The following TYW1B variants were observed in gnomAD, a reference collection of about 807,000 sequenced individuals.
TYW1B encodes the protein S-adenosyl-L-methionine-dependent tRNA 4-demethylwyosine synthase TYW1B.
In TYW1B, 73 loss-of-function variants were observed where a neutral mutation model predicts 86.9. The ratio of observed to expected loss-of-function variants is 0.84; its 90% CI spans 0.70 to 1.02. The LOEUF is 1.02. Among genes scored for constraint, TYW1B ranks in the 50% least tolerant of loss-of-function variants. TYW1B has a pLI of 0.00. For synonymous variants in TYW1B, 248 were observed against 292.8 expected (o/e 0.85, Z 1.56); for missense variants, 637 against 827.4 (o/e 0.77, Z 2.82).
chr7:72,628,758 C>T (rs1337539481), intron 12 of TYW1B, 129 bp downstream of exon 12: 6 of 681,312 alleles, frequency 8.8e-6, no homozygotes, highest in South Asian at 3.9e-5. Flanking sequence ...ATATCGATCA[C>T]GAAATGAATA....
Position 72,575,061 on chromosome 7 carries a change from C to T in TYW1B, c.*437G>A, listed in dbSNP as rs1294397181. On this transcript the variant is annotated 3_prime_UTR_variant, in exon 14 of 14. Transcript: ENST00000620995. The stretch of plus-strand genomic sequence containing the variant: ...GCTCTTATCTTAGAAAGCACAGACA[C>T]GTTTAGCTCAGGGTAGTGCAATTCA... 1.7e-5 allele frequency: 17 copies of T among 1,001,006 alleles called. No homozygotes were observed. Among genetic ancestry groups the T allele is most frequent in the Non-Finnish European group, 1.9e-5 (16 of 838,884 alleles). 62.0% of individuals were successfully genotyped at this position (1,001,006 alleles called of 1,614,324 possible). A position where few individuals can be genotyped will look rare whatever the true frequency, so the allele number is the denominator to read the frequency against.
At chr7:72,730,688 G>A (rs1325418635) in intron 8 of TYW1B, among the ~76,000 whole-genome samples, 1 of 151,252 alleles carries the variant, frequency 6.6e-6, no homozygotes, top group East Asian at 1.9e-4. Context: ...GAGAGAGGAG[G>A]AGGAAGAGCA....
chr7:72,815,450 G>T lies in TYW1B; in HGVS notation c.167C>A (p.Thr56Lys), dbSNP rs556042271. 3 of 1,609,156 alleles carry T rather than the reference G, an allele frequency of 1.9e-6. No homozygotes were observed. Among genetic ancestry groups the T allele is most frequent in the Non-Finnish European group, 2.5e-6 (3 of 1,178,950 alleles). The change falls in exon 3 of 14, where the codon ACG becomes AAG. Residue 56 changes from threonine (T) to lysine (K), a missense_variant. By Grantham distance (78) the Thr-to-Lys change is moderately conservative (BLOSUM62 -1). Transcript: ENST00000620995. ...GFATVLAEAVTSLDLPVAIIN... is the reference protein window; with the variant it reads ...GFATVLAEAVKSLDLPVAIIN... ...AATGGCCACAGGCAGATCCAGGGAC[G>T]TAACTGCTTCAGCAAGAACTGTTGC... is the stretch of plus-strand genomic sequence containing the variant.
Position 72,774,701 on chromosome 7 carries a change from G to A in TYW1B, c.964+2715C>T, listed in dbSNP as rs183855270. ...AGCCAAGATCACGCCACTGCGCTCC[G>A]GCCTGGGCAACAGAGTGAGACTCCG... is the stretch of plus-strand genomic sequence containing the variant. On this transcript the variant is annotated intron_variant, in intron 7 of 13. Coordinates refer to ENST00000620995, the MANE Select transcript of TYW1B (RefSeq NM_001145440.3). Among the ~76,000 whole-genome samples, 820 of 152,020 alleles carry A rather than the reference G, an allele frequency of 5.4e-3. 11 individuals are homozygous for A. Among genetic ancestry groups the A allele is most frequent in the African/African-American group, 0.019 (797 of 41,458 alleles).
intron 9 of TYW1B, among the ~76,000 whole-genome samples, chr7:72,721,631 C>T (rs1786904624): frequency 6.6e-6 from 1 of 151,982 alleles, no homozygotes; most frequent in Middle Eastern, 3.2e-3. Context: ...CATGCACACA[C>T]ACACACGCAC....
intron 9 of TYW1B, among the ~76,000 whole-genome samples, chr7:72,721,529 GAAGA>G (rs1338855500): frequency 6.6e-6 from 1 of 152,088 alleles, no homozygotes; most frequent in Non-Finnish European, 1.5e-5. Context: ...GATTCCTGGA[GAAGA>G]AAGAAAGAGT....
At chr7:72,737,786 T>C (rs1240850002) in intron 8 of TYW1B, among the ~76,000 whole-genome samples, 2 of 70,952 alleles carry the variant, frequency 2.8e-5, no homozygotes, top group Non-Finnish European at 6.1e-5. Context: ...ACATTTTACT[T>C]CTTTTTTTTT....
chr7:72,742,537 T>C (rs374495438), intron 8 of TYW1B, among the ~76,000 whole-genome samples: 17 of 152,288 alleles, frequency 1.1e-4, no homozygotes, highest in African/African-American at 3.6e-4. Flanking sequence ...GTATATAAAG[T>C]TGTAATTTGT....
chr7:72,652,076 C>T (rs1392476758), intron 11 of TYW1B, among the ~76,000 whole-genome samples: 9 of 152,062 alleles, frequency 5.9e-5, no homozygotes, highest in East Asian at 1.9e-4. Context: ...CCACCTCTGG[C>T]GCAACTTAAA....
intron 7 of TYW1B, among the ~76,000 whole-genome samples, chr7:72,758,741 T>C (rs1554466697): frequency 6.6e-6 from 1 of 152,186 alleles, no homozygotes; most frequent in African/African-American, 2.4e-5. Flanking sequence ...CCTCTTGGGA[T>C]GATAGACTTT....
chr7:72,820,703 G>T (rs1351578335), intron 2 of TYW1B, among the ~76,000 whole-genome samples: 2 of 152,048 alleles, frequency 1.3e-5, no homozygotes, highest in South Asian at 2.1e-4. Context: ...CCCTCCCCCA[G>T]GGATTCATCT....
At chr7:72,765,529 G>A (rs1480887854) in intron 7 of TYW1B, among the ~76,000 whole-genome samples, 6 of 152,078 alleles carry the variant, frequency 3.9e-5, no homozygotes, top group South Asian at 2.1e-4. Context: ...GCAGTGGTGC[G>A]ATCATGATTC....
intron 6 of TYW1B, among the ~76,000 whole-genome samples, chr7:72,780,519 C>G (rs2129572092): frequency 6.6e-6 from 1 of 152,306 alleles, no homozygotes; most frequent in Non-Finnish European, 1.5e-5. Context: ...ACACTGGCCT[C>G]TGACCACTAT....
intron 7 of TYW1B, among the ~76,000 whole-genome samples, chr7:72,771,846 A>G (rs560751204): frequency 1.0e-3 from 152 of 151,962 alleles, no homozygotes; most frequent in African/African-American, 3.6e-3. Context: ...ACATAAAGAA[A>G]TGATTTTTTT....
Position 72,804,146 on chromosome 7 carries a change from G to A in TYW1B, c.724-1624C>T, listed in dbSNP as rs111353439. On this transcript the variant is annotated intron_variant, in intron 5 of 13. Transcript: ENST00000620995. ...CTAAAAATACAAAAATTAACCGGGC[G>A]TGGTGGCGTGCGCCTGTAGTCCCAG... 5.5e-3 allele frequency among the ~76,000 whole-genome samples: 827 copies of A among 151,616 alleles called. 11 individuals are homozygous for A. The highest frequency in any genetic ancestry group is 0.019 in the African/African-American group (781 of 41,370).
At chr7:72,805,421 G>C (rs1788476596) in intron 5 of TYW1B, among the ~76,000 whole-genome samples, 1 of 150,928 alleles carries the variant, frequency 6.6e-6, no homozygotes, top group Admixed American at 6.6e-5. Context: ...AAACCAGCCT[G>C]GGCAACATGG....
chr7:72,596,860 T>C (rs1811546534), intron 13 of TYW1B, among the ~76,000 whole-genome samples: 1 of 151,732 alleles, frequency 6.6e-6, no homozygotes, highest in Admixed American at 6.6e-5. Flanking sequence ...GGAAAAAAAT[T>C]GCAAATGATG....
At chr7:72,769,052 A>T (rs1329002462) in intron 7 of TYW1B, 6 of 365,996 alleles carry the variant, frequency 1.6e-5, no homozygotes, top group Non-Finnish European at 2.7e-5. Flanking sequence ...CTCATAATTT[A>T]TGGGATGGTG....
At chr7:72,731,714 C>CGG (rs1787114212) in intron 8 of TYW1B, among the ~76,000 whole-genome samples, 1 of 152,046 alleles carries the variant, frequency 6.6e-6, no homozygotes, top group Non-Finnish European at 1.5e-5. Flanking sequence ...GAGGCTGAGG[C>CGG]AGGGGGATCA....
Sources: allele counts gnomAD v4.1 joint callset (sites outside exome capture counted in the v4.1 genomes callset), GRCh38; gene constraint gnomAD v4.1.1; transcripts MANE v1.5; gene names NCBI Gene and HGNC (gene_info 2026-07-23, HGNC 2026-07-21).